The following SGCD variants were observed in gnomAD, a reference collection of about 807,000 sequenced individuals.
The protein encoded by SGCD is sarcoglycan delta.
A neutral mutation model predicts 36.6 loss-of-function variants in SGCD; 18 were observed. The observed-to-expected ratio is 0.49, with a 90% CI of 0.34 to 0.73. The LOEUF (loss-of-function observed/expected upper bound fraction) is 0.73, where lower values mean the gene tolerates loss of function less well. Ranked by LOEUF, SGCD falls within the 30% of genes least tolerant of loss-of-function variation. SGCD has a pLI of 0.01. For synonymous variants in SGCD, 133 were observed against 130.6 expected (o/e 1.02, Z -0.12); for missense variants, 387 against 346.7 (o/e 1.12, Z -0.92).
At chr5:156,314,711 A>G (rs1210586355) in intron 3 of SGCD, among the ~76,000 whole-genome samples, 1 of 152,048 alleles carries the variant, frequency 6.6e-6, no homozygotes, top group Non-Finnish European at 1.5e-5. Context: ...AGATTTTGGT[A>G]GAGAACATAG....
intron 3 of SGCD, among the ~76,000 whole-genome samples, chr5:156,387,052 G>A (rs1194658139): frequency 2.6e-5 from 4 of 152,160 alleles, no homozygotes; most frequent in African/African-American, 7.2e-5. Flanking sequence ...CTGCACTGGA[G>A]AACCATCAAG....
At chr5:156,001,654 A>AT (rs1758665990) in intron 1 of SGCD, among the ~76,000 whole-genome samples, 1 of 152,230 alleles carries the variant, frequency 6.6e-6, no homozygotes. Flanking sequence ...GCTGAGTATT[A>AT]TTTTTCTATT....
chr5:156,746,719 G>T (rs964505488), intron 7 of SGCD, among the ~76,000 whole-genome samples: 9 of 152,180 alleles, frequency 5.9e-5, no homozygotes, highest in Non-Finnish European at 8.8e-5. Context: ...ATTCAAGATG[G>T]ATCATAAATT....
chr5:156,070,309 A>G (rs1362482667), intron 1 of SGCD, among the ~76,000 whole-genome samples: 2 of 152,072 alleles, frequency 1.3e-5, no homozygotes, highest in African/African-American at 4.8e-5. Flanking sequence ...CGTCCCATCA[A>G]TGCCGAATTT....
At chr5:156,131,250 A>G (rs1046992692) in intron 3 of SGCD, among the ~76,000 whole-genome samples, 7 of 152,166 alleles carry the variant, frequency 4.6e-5, no homozygotes, top group African/African-American at 1.7e-4. Context: ...TCATTTAATA[A>G]AGAGCTCTGG....
chr5:156,750,890 C>A lies in SGCD; in HGVS notation c.576-6691C>A, dbSNP rs187539632. ...TAAAAAACACCATTTTCAATAGCTA[C>A]AAAAGATAGGTTAAACTATTGAAAT... On this transcript the variant is annotated intron_variant, in intron 7 of 8. Coordinates refer to ENST00000337851, the MANE Select transcript of SGCD (RefSeq NM_000337.6). Among the ~76,000 whole-genome samples the A allele has an allele frequency of 6.8e-3, 1,029 of 152,112 alleles. 5 individuals are homozygous for A. Among genetic ancestry groups the A allele is most frequent in the Non-Finnish European group, 0.012 (784 of 67,946 alleles).
intron 7 of SGCD, among the ~76,000 whole-genome samples, chr5:156,700,695 G>A (rs1455129111): frequency 6.6e-6 from 1 of 152,080 alleles, no homozygotes; most frequent in East Asian, 1.9e-4. Flanking sequence ...TGTAATCCCA[G>A]AACTTTGGGA....
upstream of SGCD, among the ~76,000 whole-genome samples, chr5:156,324,460 CT>C (rs1242415758): frequency 6.6e-6 from 1 of 152,072 alleles, no homozygotes; most frequent in Admixed American, 6.5e-5. Flanking sequence ...AAAAGACTAC[CT>C]TTTGGCTATA....
At chr5:155,942,076 C>G (rs1469932505) in intron 1 of SGCD, among the ~76,000 whole-genome samples, 1 of 152,022 alleles carries the variant, frequency 6.6e-6, no homozygotes, top group African/African-American at 2.4e-5. Context: ...ATTGGAGCAG[C>G]CTTCCCACAG....
chr5:156,412,689 AT>A (rs1197801154), intron 3 of SGCD, among the ~76,000 whole-genome samples: 1 of 152,154 alleles, frequency 6.6e-6, no homozygotes, highest in African/African-American at 2.4e-5. Flanking sequence ...TTACTCTAAT[AT>A]TCATTCCTTA....
At chr5:156,083,287 AT>A (rs1247021093) in intron 1 of SGCD, among the ~76,000 whole-genome samples, 2 of 141,632 alleles carry the variant, frequency 1.4e-5, no homozygotes, top group African/African-American at 5.2e-5. Context: ...TAAATTTATC[AT>A]TTTTTTCCTT....
intron 1 of SGCD, among the ~76,000 whole-genome samples, chr5:156,075,524 A>G (rs1322011592): frequency 1.3e-5 from 2 of 152,152 alleles, no homozygotes; most frequent in Non-Finnish European, 2.9e-5. Context: ...GGGCCCAGGA[A>G]CATCAGGATT....
At chr5:156,099,690 C>A (rs1761472842) in intron 1 of SGCD, among the ~76,000 whole-genome samples, 1 of 152,192 alleles carries the variant, frequency 6.6e-6, no homozygotes, top group Admixed American at 6.6e-5. Flanking sequence ...GCTGGGATTA[C>A]AGGCATGAGC....
chr5:156,205,064 A>T (rs1764242769), intron 3 of SGCD, among the ~76,000 whole-genome samples: 1 of 152,140 alleles, frequency 6.6e-6, no homozygotes, highest in Non-Finnish European at 1.5e-5. Context: ...ATAATAGCAT[A>T]TAGATTTTTA....
intron 7 of SGCD, among the ~76,000 whole-genome samples, chr5:156,698,840 T>TACAGAC (rs1554130819): frequency 7.1e-5 from 10 of 139,988 alleles, no homozygotes; most frequent in African/African-American, 2.6e-4. Context: ...TAAATTAAAA[T>TACAGAC]ACACACACAC....
At chr5:156,140,981 A>G (rs1762566593) in intron 3 of SGCD, among the ~76,000 whole-genome samples, 1 of 152,186 alleles carries the variant, frequency 6.6e-6, no homozygotes, top group Non-Finnish European at 1.5e-5. Flanking sequence ...AGGCTGTGGA[A>G]TCTTGAGGCT....
intron 1 of SGCD, among the ~76,000 whole-genome samples, chr5:155,959,964 A>G (rs1757757338): frequency 6.6e-6 from 1 of 152,094 alleles, no homozygotes; most frequent in South Asian, 2.1e-4. Flanking sequence ...TATGGCTCCA[A>G]GGCCCTTGTC....
chr5:155,966,076 G>A (rs1254507581), intron 1 of SGCD, among the ~76,000 whole-genome samples: 1 of 152,068 alleles, frequency 6.6e-6, no homozygotes, highest in African/African-American at 2.4e-5. Flanking sequence ...TCTTAAAATA[G>A]AATGCACTCA....
intron 7 of SGCD, among the ~76,000 whole-genome samples, chr5:156,685,105 C>T (rs1425801780): frequency 6.6e-6 from 1 of 152,038 alleles, no homozygotes; most frequent in Non-Finnish European, 1.5e-5. Context: ...TTGTCATTCA[C>T]CTTGAAAGCA....
Sources: gnomAD v4.1 joint callset for allele counts (sites outside exome capture counted in the v4.1 genomes callset) on GRCh38, gnomAD v4.1.1 for gene constraint, MANE v1.5 for transcripts, NCBI Gene and HGNC (gene_info 2026-07-23, HGNC 2026-07-21) for gene names.